Variants in PBXIP1 observed in about 807,000 individuals in gnomAD.
PBXIP1 encodes the protein pre-B-cell leukemia transcription factor-interacting protein 1.
A neutral mutation model predicts 73.7 loss-of-function variants in PBXIP1; 73 were observed. That is an observed-to-expected ratio of 0.99 (90% CI 0.82 to 1.20). The LOEUF (loss-of-function observed/expected upper bound fraction) is 1.20, where lower values mean the gene tolerates loss of function less well. Among genes scored for constraint, PBXIP1 ranks in the 50% most tolerant of loss-of-function variants. The pLI is 0.00. For synonymous variants in PBXIP1, 330 were observed against 366.9 expected, an observed-to-expected ratio of 0.90 and a Z score of 1.15; for missense variants, 818 against 911.4, an observed-to-expected ratio of 0.90 and a Z score of 1.32.
chr1:154,950,990 C>T (rs1654987154), intron 5 of PBXIP1, among the ~76,000 whole-genome samples: 1 of 152,248 alleles, frequency 6.6e-6, no homozygotes, highest in Admixed American at 6.5e-5. Flanking sequence ...AAGAGGAGGT[C>T]CCCATGGCAG....
rs1250211124 is a variant in PBXIP1 at position 154,945,847 on chromosome 1, T to C, written c.1827A>G (p.Pro609=). The C allele has an allele frequency of 2.5e-6, 4 of 1,614,186 alleles. No individual in the cohort carries two copies. In the South Asian group the frequency reaches 3.3e-5, roughly 13 times the overall value. ...GAGAGGCCAGCTCCTGTTGCCGCAC[T>C]GGGGCTAGCTCTGTGCCAAAGAAAG... ...GLTFFGTELA[P]VRQQELASLL... is the part of the protein sequence containing the mutation. The change falls in exon 10 of 11, where the codon CCA becomes CCG. Residue 609 remains proline (P), a synonymous_variant. Coordinates refer to ENST00000368463, the MANE Select transcript of PBXIP1 (RefSeq NM_020524.4).
chr1:154,947,790 C>A, intron 7 of PBXIP1, 78 bp from the exon 8 acceptor site: 1 of 1,485,842 alleles, frequency 6.7e-7, no homozygotes, highest in South Asian at 1.1e-5. Flanking sequence ...ATTCACACAG[C>A]CACCACTCCT....
At position 154,945,938 on chromosome 1, in the gene PBXIP1, C is replaced by T. The variant is rs1403893170; in HGVS notation, c.1736G>A (p.Arg579Lys). 6.2e-7 allele frequency: 1 copy of T among 1,614,182 alleles called. No individual in the cohort carries two copies. Among genetic ancestry groups the T allele is most frequent in the African/African-American group, 1.3e-5 (1 of 75,066 alleles). ...GCCCTGGGGTGCCCGGTACTTGGGC[C>T]TCAACAGCTCTGCCCAGGATGGCAG... ...DPLPSWAELL[R>K]PKYRAPQGCS... The change falls in exon 10 of 11, where the codon AGG becomes AAG. Residue 579 changes from arginine to lysine, a missense_variant. Arg to Lys is a conservative substitution (Grantham distance 26). Transcript: ENST00000368463.
intron 1 of PBXIP1, among the ~76,000 whole-genome samples, 196 bp from the exon 2 acceptor site, chr1:154,953,953 CCA>C (rs961661799): frequency 1.3e-5 from 2 of 152,194 alleles, no homozygotes; most frequent in Admixed American, 6.5e-5. Flanking sequence ...CTGCCAACAC[CCA>C]CAGAGAAGCC....
Position 154,947,407 on chromosome 1 carries a change from C to T in PBXIP1, c.870+10G>A. 7 of 1,614,008 alleles carry T rather than the reference C, an allele frequency of 4.3e-6. No homozygotes were observed. Among genetic ancestry groups the T allele is most frequent in the Non-Finnish European group, 5.9e-6 (7 of 1,179,938 alleles). On this transcript the variant is annotated intron_variant, in intron 9 of 10. Transcript: ENST00000368463. ...GTTACCCTAGCCCAGCCCCTCCTGC[C>T]TGTGCCCACCTGCAGCTGGGCCTGC...
Position 154,946,336 on chromosome 1 carries a change from C to T in PBXIP1, c.1338G>A (p.Trp446Ter). The T allele has an allele frequency of 6.2e-7, 1 of 1,614,100 alleles. No homozygotes were observed. The highest frequency in any genetic ancestry group is 2.2e-5 in the East Asian group (1 of 44,886). Residue 446 changes from tryptophan to a stop codon, truncating the protein, a stop_gained, in exon 10 of 11, where the codon TGG (tryptophan) becomes TGA (stop). Coordinates refer to ENST00000368463, the MANE Select transcript of PBXIP1 (RefSeq NM_020524.4). LOFTEE classifies it high-confidence loss of function. The stretch of plus-strand genomic sequence containing the variant: ...TGGCAGAGACCCCAGGGTCCTGGCC[C>T]CAGTTCTCCAGGCCCTGCAGTTTCT... ...LAQKLQGLEN[W>*]GQDPGVSANA... is the part of the protein sequence containing the mutation.
rs369161982 is a variant in PBXIP1 at position 154,953,659 on chromosome 1, C to T, written c.51+12G>A. The T allele has an allele frequency of 5.6e-6, 9 of 1,602,814 alleles. No homozygotes were observed. The highest frequency in any genetic ancestry group is 5.0e-5 in the Admixed American group (3 of 59,936). On this transcript the variant is annotated intron_variant, in intron 2 of 10. Transcript: ENST00000368463. ...ACCCCACCCCCATGGTTCCCAGGCC[C>T]GCTCTTCCTACCTCGGAGCCAGCAA...
chr1:154,945,456 C>A, intron 10 of PBXIP1, 116 bp downstream of exon 10: 1 of 1,163,974 alleles, frequency 8.6e-7, no homozygotes, highest in Non-Finnish European at 1.2e-6. Flanking sequence ...AATGCCTTCT[C>A]TAAGGGAAGC....
At position 154,948,204 on chromosome 1, in the gene PBXIP1, A is replaced by G. The variant is rs112583819; in HGVS notation, c.572T>C (p.Leu191Pro). 1.2e-6 allele frequency: 2 copies of G among 1,610,254 alleles called. No individual in the cohort carries two copies. The highest frequency in any genetic ancestry group is 2.7e-5 in the African/African-American group (2 of 74,822). ...GAGGCACATGTTGAGGGAGATGCCC[A>G]GCTCCCCGCCTGCACCCTCACCCCC... Reference protein sequence around the residue: ...QAGGEGAGGELGISLNMCLLG... With the variant: ...QAGGEGAGGEPGISLNMCLLG... The change falls in exon 6 of 11, where the codon CTG becomes CCG. Residue 191 changes from leucine to proline, a missense_variant. Coordinates refer to ENST00000368463, the MANE Select transcript of PBXIP1 (RefSeq NM_020524.4).
chr1:154,953,276 G>A, intron 2 of PBXIP1, among the ~76,000 whole-genome samples: 1 of 152,140 alleles, frequency 6.6e-6, no homozygotes, highest in Middle Eastern at 3.2e-3. Context: ...GTCTCTTCCA[G>A]GGGTTCCCAG....
Position 154,946,128 on chromosome 1 carries a change from T to C in PBXIP1, c.1546A>G (p.Arg516Gly), listed in dbSNP as rs751340150. 21 of 1,614,128 alleles carry C rather than the reference T, an allele frequency of 1.3e-5. No individual in the cohort carries two copies. Among genetic ancestry groups the C allele is most frequent in the Non-Finnish European group, 1.8e-5 (21 of 1,180,000 alleles). ...GGQEDREPAG[R>G]WKEGRPRVEE... The stretch of plus-strand genomic sequence containing the variant: ...ACCCTTGGCCTGCCCTCCTTCCACC[T>C]TCCTGCTGGCTCCCTGTCCTCCTGA... The change falls in exon 10 of 11, where the codon AGG becomes GGG. Residue 516 changes from arginine to glycine, a missense_variant. Coordinates refer to ENST00000368463, the MANE Select transcript of PBXIP1 (RefSeq NM_020524.4).
rs376729617 is a variant in PBXIP1 at position 154,953,737 on chromosome 1, T to C, written c.-16A>G. 3 of 1,611,762 alleles carry C rather than the reference T, an allele frequency of 1.9e-6. No homozygotes were observed. Among genetic ancestry groups the C allele is most frequent in the Non-Finnish European group, 2.5e-6 (3 of 1,178,694 alleles). ...AGGAGGCCATAGTTGCTGAGGTCCC[T>C]GAGGCTGCTGTGGCTGCCACCTGCA... is the stretch of plus-strand genomic sequence containing the variant. On this transcript the variant is annotated 5_prime_UTR_variant, in exon 2 of 11. Transcript: ENST00000368463.
At position 154,948,254 on chromosome 1, in the gene PBXIP1, C is replaced by G; in HGVS notation, c.522G>C (p.Val174=). The G allele has an allele frequency of 6.2e-7, 1 of 1,612,208 alleles. No homozygotes were observed. Among genetic ancestry groups the G allele is most frequent in the Middle Eastern group, 1.7e-4 (1 of 6,038 alleles). Residue 174 remains valine (V), a synonymous_variant, in exon 6 of 11, where the codon GTG becomes GTC. Coordinates refer to ENST00000368463, the MANE Select transcript of PBXIP1 (RefSeq NM_020524.4). The part of the protein sequence containing the change: ...GREAGPPQPM[V]PLAVENQAGG... The stretch of plus-strand genomic sequence containing the variant: ...CAGCCTGGTTCTCCACAGCCAGGGG[C>G]ACCATGGGCTGAGGTGGGCCGGCCT...
intron 2 of PBXIP1, among the ~76,000 whole-genome samples, chr1:154,953,187 G>T (rs1655065340): frequency 6.6e-6 from 1 of 152,032 alleles, no homozygotes; most frequent in Admixed American, 6.5e-5. Context: ...GACAATGATT[G>T]TCCTGATCCC....
rs778247988 is a variant in PBXIP1 at position 154,947,713 on chromosome 1, C to T, written c.668-1G>A. On this transcript the variant is annotated splice_acceptor_variant, in intron 7 of 10. Coordinates refer to ENST00000368463, the MANE Select transcript of PBXIP1 (RefSeq NM_020524.4). LOFTEE classifies it high-confidence loss of function. ...TGCCGCTCCACTTCCTCCATGGGCC[C>T]TGTGGGAAAGGGAAACCCTGAAACT... 4.3e-6 allele frequency: 7 copies of T among 1,613,262 alleles called. No homozygotes were observed. Among genetic ancestry groups the T allele is most frequent in the Non-Finnish European group, 5.9e-6 (7 of 1,179,848 alleles).
In PBXIP1 at chr1:154,951,286, G is replaced by C. The variant is rs754865058; in HGVS notation, c.355C>G (p.Gln119Glu). The C allele has an allele frequency of 6.2e-7, 1 of 1,614,164 alleles. No individual in the cohort carries two copies. The change falls in exon 5 of 11, where the codon CAG becomes GAG. Residue 119 changes from glutamine to glutamate, a missense_variant. Physicochemically the swap from Gln to Glu is conservative, Grantham distance 29. Coordinates refer to ENST00000368463, the MANE Select transcript of PBXIP1 (RefSeq NM_020524.4). This position sits in a 1 kb window ranked among gnomAD's most constrained non-coding sequence, Gnocchi z 4.3. ...TVVTGLGPDT[Q>E]DLEGQSPPQS... ...GGAGGGCTCTGGCCTTCCAGGTCCT[G>C]TGTGTCTGGTCCCAGGCCTGTCACC...
At position 154,946,654 on chromosome 1, in the gene PBXIP1, C is replaced by T. The variant is rs778020490; in HGVS notation, c.1020G>A (p.Gly340=). Residue 340 remains glycine (G), a synonymous_variant, in exon 10 of 11, where the codon GGG becomes GGA. Transcript: ENST00000368463. ...ELQQLRARLQ[G]LEADCVRGPD... is the part of the protein sequence containing the mutation. Reference sequence around the variant, plus strand: ...GGCCCCGGACACAGTCGGCCTCCAGCCCCTGGAGCCGGGCCCGCAGCTGCT... The same window carrying T: ...GGCCCCGGACACAGTCGGCCTCCAGTCCCTGGAGCCGGGCCCGCAGCTGCT... The T allele has an allele frequency of 4.3e-6, 7 of 1,612,376 alleles. No individual in the cohort carries two copies. Among genetic ancestry groups the T allele is most frequent in the Admixed American group, 1.7e-5 (1 of 59,972 alleles).
At chr1:154,946,861 A>G in intron 9 of PBXIP1, 58 bp from the exon 10 acceptor site, 3 of 1,466,068 alleles carry the variant, frequency 2.0e-6, no homozygotes, top group Non-Finnish European at 2.7e-6. Flanking sequence ...GATAGCCCCA[A>G]TGCCTTCTAC....
In PBXIP1 at chr1:154,947,084, G is replaced by C. The variant is rs1654852059; in HGVS notation, c.871-281C>G. 1.7e-5 allele frequency: 10 copies of C among 574,810 alleles called. No individual in the cohort carries two copies. In the East Asian group the frequency reaches 2.7e-4, roughly 15 times the overall value. 35.6% of individuals were successfully genotyped at this position (574,810 alleles called of 1,614,324 possible). A position where few individuals can be genotyped will look rare whatever the true frequency, so the allele number is the denominator to read the frequency against. On this transcript the variant is annotated intron_variant, in intron 9 of 10. Coordinates refer to ENST00000368463, the MANE Select transcript of PBXIP1 (RefSeq NM_020524.4). ...GGATAGCCAATGTGTGGCTCTCACAGTCTTATTTCCTGGAACAGTGTTAAC... is the reference window on the plus strand; with the variant it reads ...GGATAGCCAATGTGTGGCTCTCACACTCTTATTTCCTGGAACAGTGTTAAC...
Sources: gnomAD v4.1 joint callset for allele counts (sites outside exome capture counted in the v4.1 genomes callset) on GRCh38, gnomAD v4.1.1 for gene constraint, Gnocchi (gnomAD v3.1) non-coding constraint, MANE v1.5 for transcripts, NCBI Gene and HGNC (gene_info 2026-07-23, HGNC 2026-07-21) for gene names.